Variants in INTS4 observed in about 807,000 individuals in gnomAD.
The protein encoded by INTS4 is integrator complex subunit 4.
A neutral mutation model predicts 119.5 loss-of-function variants in INTS4; 70 were observed. That is an observed-to-expected ratio of 0.59 (90% CI 0.48 to 0.71). INTS4 has a LOEUF of 0.71. INTS4 is among the 30% of genes least tolerant of loss of function. The probability of loss-of-function intolerance (pLI) is 0.00; values close to 1 mark genes in which losing one functional copy is unlikely to be tolerated. For missense variants in INTS4, 867 were observed against 1,173.2 expected (o/e 0.74, Z 3.81); for synonymous variants, 316 against 419.6 (o/e 0.75, Z 3.02).
In INTS4 at chr11:77,897,807, A is replaced by G. The variant is rs569329492; in HGVS notation, c.2229-3458T>C. On this transcript the variant is annotated intron_variant, in intron 18 of 22. Coordinates refer to ENST00000534064, the MANE Select transcript of INTS4 (RefSeq NM_033547.4). ...GGCGTTAGCCACCGCACCCAGCCAT[A>G]TTATTGTTATTATTTTTAAGACATA... 2.6e-5 allele frequency among the ~76,000 whole-genome samples: 4 copies of G among 151,608 alleles called. No individual in the cohort carries two copies. In the East Asian group the frequency reaches 7.8e-4, roughly 29 times the overall value.
rs1248976875 is a variant in INTS4 at position 77,979,035 on chromosome 11, A to G, written c.432T>C (p.Asn144=). Residue 144 remains asparagine, a synonymous_variant, in exon 4 of 23, where the codon AAT becomes AAC. Transcript: ENST00000534064. ...CAACTAATCGCATTTGGATAGCTTG[A>G]TTCTCTGGTAGCTTAGTGCCAATTG... The part of the protein sequence containing the change: ...LLAIGTKLPE[N]QAIQMRLVDV... 1.2e-6 allele frequency: 2 copies of G among 1,613,180 alleles called. No homozygotes were observed. The highest frequency in any genetic ancestry group is 1.7e-6 in the Non-Finnish European group (2 of 1,179,286).
intron 4 of INTS4, among the ~76,000 whole-genome samples, chr11:77,969,547 G>A (rs1855630468): frequency 6.6e-6 from 1 of 152,048 alleles, no homozygotes; most frequent in Non-Finnish European, 1.5e-5. Flanking sequence ...ACACCTGCTA[G>A]TTCTTTTGCA....
intron 22 of INTS4, among the ~76,000 whole-genome samples, chr11:77,881,657 T>C (rs1335928632): frequency 6.6e-6 from 1 of 152,224 alleles, no homozygotes; most frequent in East Asian, 1.9e-4. Flanking sequence ...ATTTTCATTA[T>C]TTGTTGAGTG....
At position 77,991,430 on chromosome 11, in the gene INTS4, A is replaced by G. The variant is rs530691007; in HGVS notation, c.55-131T>C. ...GACTTAGGAAAATACAGTATTATAA[A>G]CCAGAAAGAGTACCGGGTTGGTGAC... On this transcript the variant is annotated intron_variant, in intron 1 of 22. Coordinates refer to ENST00000534064, the MANE Select transcript of INTS4 (RefSeq NM_033547.4). 72 of 744,586 alleles carry G rather than the reference A, an allele frequency of 9.7e-5. 1 individual carries two copies. In the South Asian group the frequency reaches 1.2e-3, roughly 13 times the overall value. 46.1% of individuals were successfully genotyped at this position (744,586 alleles called of 1,614,324 possible). A position where few individuals can be genotyped will look rare whatever the true frequency, so the allele number is the denominator to read the frequency against.
chr11:77,954,778 T>G (rs1954277920), intron 8 of INTS4, among the ~76,000 whole-genome samples: 1 of 152,176 alleles, frequency 6.6e-6, no homozygotes, highest in Admixed American at 6.5e-5. Context: ...TAATACTTGC[T>G]CATCTACCAC....
intron 15 of INTS4, chr11:77,915,000 T>G (rs1302174736): frequency 9.6e-6 from 2 of 207,754 alleles, no homozygotes; most frequent in African/African-American, 4.6e-5. Context: ...TCATTTAGGC[T>G]TAGCCTGTGC....
At chr11:77,928,317 T>G in intron 11 of INTS4, 25 bp downstream of exon 11, 4 of 1,611,174 alleles carry the variant, frequency 2.5e-6, no homozygotes, top group Non-Finnish European at 3.4e-6. Flanking sequence ...GATGAAGAAA[T>G]GAGTAACAAA....
intron 15 of INTS4, among the ~76,000 whole-genome samples, chr11:77,916,384 A>T (rs1953205165): frequency 6.6e-6 from 1 of 152,226 alleles, no homozygotes; most frequent in Non-Finnish European, 1.5e-5. Context: ...ACTGTACTAA[A>T]GACTGTAGGC....
intron 15 of INTS4, 50 bp from the exon 16 acceptor site, chr11:77,907,860 C>T (rs117341127): frequency 0.015 from 17,192 of 1,160,332 alleles, 196 homozygotes; most frequent in Non-Finnish European, 0.017. Context: ...GATAATGCCA[C>T]CAACATAAAG....
In INTS4 at chr11:77,942,637, T is replaced by C. The variant is rs138210285; in HGVS notation, c.919-1386A>G. 6.0e-3 allele frequency among the ~76,000 whole-genome samples: 909 copies of C among 152,282 alleles called. 9 individuals are homozygous for C. The highest frequency in any genetic ancestry group is 0.021 in the African/African-American group (860 of 41,562). ...TACTCATTTCAAGTAAGGGAGAACA[T>C]AGATTTATATTTCATAAAGCCCATC... is the stretch of plus-strand genomic sequence containing the variant. On this transcript the variant is annotated intron_variant, in intron 8 of 22. Transcript: ENST00000534064.
chr11:77,954,024 G>A (rs1426471514), intron 8 of INTS4, among the ~76,000 whole-genome samples: 10 of 151,956 alleles, frequency 6.6e-5, no homozygotes, highest in Non-Finnish European at 1.2e-4. Flanking sequence ...ATGTTGGCCA[G>A]GATGGTCTCG....
In INTS4 at chr11:77,942,073, C is replaced by A. The variant is rs1041498042; in HGVS notation, c.919-822G>T. Among the ~76,000 whole-genome samples, 94 of 152,240 alleles carry A rather than the reference C, an allele frequency of 6.2e-4. 2 individuals are homozygous for A. Among genetic ancestry groups the A allele is most frequent in the African/African-American group, 2.2e-3 (93 of 41,548 alleles). On this transcript the variant is annotated intron_variant, in intron 8 of 22. Coordinates refer to ENST00000534064, the MANE Select transcript of INTS4 (RefSeq NM_033547.4). ...TCATCTGTTCATTCATTCATGCATT[C>A]AATTAAACAAATATTTAGCAACCAT...
intron 10 of INTS4, among the ~76,000 whole-genome samples, chr11:77,929,193 A>ATT (rs1186011379): frequency 6.6e-6 from 1 of 152,094 alleles, no homozygotes; most frequent in African/African-American, 2.4e-5. Flanking sequence ...ATATATATAT[A>ATT]TAAAGTAACT....
intron 4 of INTS4, chr11:77,978,599 T>A (rs1034393318): frequency 6.6e-6 from 1 of 152,618 alleles, no homozygotes; most frequent in Admixed American, 6.5e-5. Flanking sequence ...AAGTTTGGGG[T>A]CAGAAAAAAT....
chr11:77,938,193 C>CTAT (rs1052641485), intron 10 of INTS4, among the ~76,000 whole-genome samples: 107 of 152,194 alleles, frequency 7.0e-4, no homozygotes, highest in African/African-American at 2.4e-3. Flanking sequence ...ATTCATCAGT[C>CTAT]ATATAAAGGT....
chr11:77,877,183 C>T (rs1951622312), downstream of INTS4: 3 of 594,388 alleles, frequency 5.0e-6, no homozygotes, highest in Non-Finnish European at 9.0e-6. Context: ...ATTGTGTGAC[C>T]TAGGACAGGT....
intron 10 of INTS4, among the ~76,000 whole-genome samples, chr11:77,935,734 A>G (rs1401634650): frequency 6.6e-6 from 1 of 151,826 alleles, no homozygotes; most frequent in Non-Finnish European, 1.5e-5. Flanking sequence ...CATCTCTACA[A>G]AAAATACAAA....
chr11:77,989,308 T>C (rs1432252536), intron 2 of INTS4, among the ~76,000 whole-genome samples: 1 of 151,618 alleles, frequency 6.6e-6, no homozygotes, highest in African/African-American at 2.4e-5. Context: ...GCCAACATGG[T>C]GAAACCCCAT....
chr11:77,893,728 A>C (rs1158416079), intron 19 of INTS4, among the ~76,000 whole-genome samples: 1 of 152,022 alleles, frequency 6.6e-6, no homozygotes, highest in Non-Finnish European at 1.5e-5. Context: ...CCCCGTCTCT[A>C]CTAAAAATAC....
Sources: gnomAD v4.1 joint callset for allele counts (sites outside exome capture counted in the v4.1 genomes callset) on GRCh38, gnomAD v4.1.1 for gene constraint, MANE v1.5 for transcripts, NCBI Gene and HGNC (gene_info 2026-07-23, HGNC 2026-07-21) for gene names.